Variants in SLC25A11 observed in about 807,000 individuals in gnomAD.
The protein encoded by SLC25A11 is solute carrier family 25 member 11, also known as mitochondrial 2-oxoglutarate/malate carrier protein.
In SLC25A11, 11 loss-of-function variants were observed where a neutral mutation model predicts 32.7. That is an observed-to-expected ratio of 0.34 (90% CI 0.21 to 0.56). SLC25A11 has a LOEUF of 0.56. Ranked by LOEUF, SLC25A11 falls within the 20% of genes least tolerant of loss-of-function variation. The pLI is 0.90. For synonymous variants in SLC25A11, 163 were observed against 168.3 expected (o/e 0.97, Z 0.24); for missense variants, 295 against 426.3 (o/e 0.69, Z 2.71).
In SLC25A11 at chr17:4,938,306, G is replaced by C. The variant is rs1158589256; in HGVS notation, c.637+33C>G. ...TCAGCTCAGAGGTGGCTCAGGCCAG[G>C]CTGGGAACTAAGGGCCCAGCTCTGG... On this transcript the variant is annotated intron_variant, in intron 5 of 7. Coordinates refer to ENST00000225665, the MANE Select transcript of SLC25A11 (RefSeq NM_003562.5). The surrounding 1 kb of genome is among the most constrained non-coding windows in gnomAD (Gnocchi z 7.6). The C allele has an allele frequency of 6.2e-7, 1 of 1,613,492 alleles. No homozygotes were observed. The highest frequency in any genetic ancestry group is 1.3e-5 in the African/African-American group (1 of 75,054).
Position 4,938,654 on chromosome 17 carries a change from G to C in SLC25A11, c.456-52C>G. The C allele has an allele frequency of 6.3e-7, 1 of 1,598,516 alleles. No individual in the cohort carries two copies. The highest frequency in any genetic ancestry group is 1.3e-5 in the African/African-American group (1 of 74,766). On this transcript the variant is annotated intron_variant, in intron 3 of 7. Transcript: ENST00000225665. The surrounding 1 kb of genome is among the most constrained non-coding windows in gnomAD (Gnocchi z 7.6). The stretch of plus-strand genomic sequence containing the variant: ...GATCAGGATTGCCCACAGGTGCAAA[G>C]AAAGGAAGGCCAGAACAGGTAAACA...
Position 4,937,699 on chromosome 17 carries a change from G to A in SLC25A11, c.*42C>T. 1 of 1,558,812 alleles carries A rather than the reference G, an allele frequency of 6.4e-7. No individual in the cohort carries two copies. Among genetic ancestry groups the A allele is most frequent in the Non-Finnish European group, 8.7e-7 (1 of 1,154,484 alleles). ...GCAGAGCCCAGGCCCCCAGGGCGCA[G>A]TGGCTATAGGCGCAGCAGGCGAGTG... On this transcript the variant is annotated 3_prime_UTR_variant, in exon 8 of 8. Transcript: ENST00000225665.
In SLC25A11 at chr17:4,937,610, A is replaced by C; in HGVS notation, c.*131T>G. On this transcript the variant is annotated 3_prime_UTR_variant, in exon 8 of 8. Transcript: ENST00000225665. ...CTGGAGCAGGGGGTAGAACAGACCA[A>C]GTCCTTTACCGCAGAGGAAGAAACC... 1.8e-6 allele frequency: 2 copies of C among 1,103,974 alleles called. No individual in the cohort carries two copies. The highest frequency in any genetic ancestry group is 2.5e-5 in the Admixed American group (1 of 40,044). The allele number at this position is 1,103,974 out of a possible 1,614,324, so 68.4% of individuals were successfully genotyped here.
At position 4,939,262 on chromosome 17, in the gene SLC25A11, A is replaced by G; in HGVS notation, c.96-50T>C. The G allele has an allele frequency of 1.9e-6, 3 of 1,568,080 alleles. No homozygotes were observed. Among genetic ancestry groups the G allele is most frequent in the South Asian group, 2.3e-5 (2 of 86,480 alleles). On this transcript the variant is annotated intron_variant, in intron 1 of 7. Transcript: ENST00000225665. The surrounding 1 kb of genome is among the most constrained non-coding windows in gnomAD (Gnocchi z 4.1). ...AAGGGCCAGGCATTCCAGATCTACC[A>G]GTGCCCACTGGAGCCTGGCAGCAAG...
At position 4,937,244 on chromosome 17, in the gene SLC25A11, TTC is replaced by T. The variant is rs1970446678; in HGVS notation, c.*495_*496del. ...TTTTTCTTAAAAACTCCAGTTCCTA[TTC>T]TCCAGCTTCTTTGTCCAGTCTCCTC... On this transcript the variant is annotated 3_prime_UTR_variant, in exon 8 of 8. Coordinates refer to ENST00000225665, the MANE Select transcript of SLC25A11 (RefSeq NM_003562.5). 6.5e-6 allele frequency: 1 copy of T among 152,842 alleles called. No individual in the cohort carries two copies. The highest frequency in any genetic ancestry group is 2.1e-4 in the South Asian group (1 of 4,844). The allele number at this position is 152,842 out of a possible 1,614,324, so 9.5% of individuals were successfully genotyped here. A position where few individuals can be genotyped will look rare whatever the true frequency, so the allele number is the denominator to read the frequency against.
rs762184471 is a variant in SLC25A11 at position 4,939,152 on chromosome 17, G to A, written c.156C>T (p.Ser52=). 5 of 1,613,736 alleles carry A rather than the reference G, an allele frequency of 3.1e-6. No homozygotes were observed. The highest frequency in any genetic ancestry group is 1.1e-5 in the South Asian group (1 of 91,080). The change falls in exon 2 of 8, where the codon AGC becomes AGT. Residue 52 remains serine (S), a synonymous_variant. Coordinates refer to ENST00000225665, the MANE Select transcript of SLC25A11 (RefSeq NM_003562.5). The surrounding 1 kb of genome is among the most constrained non-coding windows in gnomAD (Gnocchi z 4.1). ...ACTCTCGAGTCTTGGCCCCTTCCCC[G>A]CTCAACTGCATCCGGTTCTTCACCA... ...LDLVKNRMQL[S]GEGAKTREYK...
Position 4,939,184 on chromosome 17 carries a change from G to A in SLC25A11, c.124C>T (p.Leu42=). The stretch of plus-strand genomic sequence containing the variant: ...TGCATCCGGTTCTTCACCAGGTCCA[G>A]GGGCTGGACAAAAACTGTAGCTCCC... ...GMGATVFVQP[L]DLVKNRMQLS... is the part of the protein sequence containing the mutation. Residue 42 remains leucine (L), a synonymous_variant, in exon 2 of 8, where the codon CTG becomes TTG. Coordinates refer to ENST00000225665, the MANE Select transcript of SLC25A11 (RefSeq NM_003562.5). This position sits in a 1 kb window ranked among gnomAD's most constrained non-coding sequence, Gnocchi z 4.1. 5 of 1,610,018 alleles carry A rather than the reference G, an allele frequency of 3.1e-6. No homozygotes were observed. The highest frequency in any genetic ancestry group is 4.2e-6 in the Non-Finnish European group (5 of 1,176,540).
Position 4,939,862 on chromosome 17 carries a change from G to C in SLC25A11, c.49C>G (p.Arg17Gly). Residue 17 changes from arginine (R) to glycine (G), a missense_variant, in exon 1 of 8, where the codon CGT becomes GGT. By Grantham distance (125) the Arg-to-Gly change is moderately radical. Transcript: ENST00000225665. The surrounding 1 kb of genome is among the most constrained non-coding windows in gnomAD (Gnocchi z 4.1). The stretch of plus-strand genomic sequence containing the variant: ...AACTTGACGGACTTAGGGGAGGTAC[G>C]GGGCTTCCCGTCTATCCCGCCGGCC... ...AGAGGIDGKP[R>G]TSPKSVKFLF... is the part of the protein sequence containing the mutation. 1.2e-6 allele frequency: 2 copies of C among 1,612,452 alleles called. No individual in the cohort carries two copies. The highest frequency in any genetic ancestry group is 1.7e-6 in the Non-Finnish European group (2 of 1,179,688).
At position 4,938,318 on chromosome 17, in the gene SLC25A11, G is replaced by C. The variant is rs1404387610; in HGVS notation, c.637+21C>G. 1 of 1,613,794 alleles carries C rather than the reference G, an allele frequency of 6.2e-7. No individual in the cohort carries two copies. The highest frequency in any genetic ancestry group is 1.3e-5 in the African/African-American group (1 of 74,932). On this transcript the variant is annotated intron_variant, in intron 5 of 7. Transcript: ENST00000225665. The surrounding 1 kb of genome is among the most constrained non-coding windows in gnomAD (Gnocchi z 7.6). ...TGGCTCAGGCCAGGCTGGGAACTAA[G>C]GGCCCAGCTCTGGATCTCACCTGAG...
chr17:4,939,734 A>AAC lies in SLC25A11; in HGVS notation c.95+80_95+81dup. 8.9e-7 allele frequency: 1 copy of AAC among 1,120,430 alleles called. No homozygotes were observed. The highest frequency in any genetic ancestry group is 1.3e-5 in the South Asian group (1 of 76,660). The allele number at this position is 1,120,430 out of a possible 1,614,324, so 69.4% of individuals were successfully genotyped here. On this transcript the variant is annotated intron_variant, in intron 1 of 7. Coordinates refer to ENST00000225665, the MANE Select transcript of SLC25A11 (RefSeq NM_003562.5). This position sits in a 1 kb window ranked among gnomAD's most constrained non-coding sequence, Gnocchi z 4.1. ...ACCCCGTGCCGGCACAGTTCACTGC[A>AAC]ACAGACCCAGAGATGAACCGGGCCC...
chr17:4,938,485 C>T lies in SLC25A11; in HGVS notation c.546+27G>A. 2 of 1,613,716 alleles carry T rather than the reference C, an allele frequency of 1.2e-6. No individual in the cohort carries two copies. Among genetic ancestry groups the T allele is most frequent in the Non-Finnish European group, 8.5e-7 (1 of 1,179,670 alleles). On this transcript the variant is annotated intron_variant, in intron 4 of 7. Coordinates refer to ENST00000225665, the MANE Select transcript of SLC25A11 (RefSeq NM_003562.5). The surrounding 1 kb of genome is among the most constrained non-coding windows in gnomAD (Gnocchi z 7.6). ...AACCCCTAAAACCAGACCTCACAGC[C>T]CCCAAGTCTCCAGCCCCTCCACTCA...
In SLC25A11 at chr17:4,938,810, T is replaced by G. The variant is rs1597647345; in HGVS notation, c.414A>C (p.Thr138=). The change falls in exon 3 of 8, where the codon ACA becomes ACC. Residue 138 remains threonine, a synonymous_variant. Coordinates refer to ENST00000225665, the MANE Select transcript of SLC25A11 (RefSeq NM_003562.5). This position sits in a 1 kb window ranked among gnomAD's most constrained non-coding sequence, Gnocchi z 7.6. ...TGCGGATAAGAGCCACTTCGGCTGG[T>G]GTTCCCACAAAGGCACCAGTGGCAC... is the stretch of plus-strand genomic sequence containing the variant. ...TAGATGAFVG[T]PAEVALIRMT... The G allele has an allele frequency of 6.2e-7, 1 of 1,613,534 alleles. No homozygotes were observed.
Position 4,938,699 on chromosome 17 carries a change from T to TA in SLC25A11, c.455+69dup, listed in dbSNP as rs922784900. 1 of 1,589,100 alleles carries TA rather than the reference T, an allele frequency of 6.3e-7. No individual in the cohort carries two copies. The highest frequency in any genetic ancestry group is 1.3e-5 in the African/African-American group (1 of 74,220). ...TAAACACTCTGCTCCAGATCCGGGA[T>TA]AAAAAACTGGTCCTTTCATTCTAGA... On this transcript the variant is annotated intron_variant, in intron 3 of 7. Coordinates refer to ENST00000225665, the MANE Select transcript of SLC25A11 (RefSeq NM_003562.5). The surrounding 1 kb of genome is among the most constrained non-coding windows in gnomAD (Gnocchi z 7.6).
At position 4,938,461 on chromosome 17, in the gene SLC25A11, AC is replaced by A. The variant is rs1481786896; in HGVS notation, c.547-33del. ...GGAGGGGAGCGGGGAAGAGTCAGAA[AC>A]CCCTAAAACCAGACCTCACAGCCCC... On this transcript the variant is annotated intron_variant, in intron 4 of 7. Coordinates refer to ENST00000225665, the MANE Select transcript of SLC25A11 (RefSeq NM_003562.5). The surrounding 1 kb of genome is among the most constrained non-coding windows in gnomAD (Gnocchi z 7.6). The A allele has an allele frequency of 1.2e-6, 2 of 1,613,034 alleles. No homozygotes were observed. The highest frequency in any genetic ancestry group is 2.7e-5 in the African/African-American group (2 of 74,728).
In SLC25A11 at chr17:4,938,872, CA is replaced by C. The variant is rs1567651888; in HGVS notation, c.351del (p.Gly118AlafsTer4). On this transcript the variant is annotated frameshift_variant, in exon 3 of 8. Coordinates refer to ENST00000225665, the MANE Select transcript of SLC25A11 (RefSeq NM_003562.5). LOFTEE classifies it high-confidence loss of function. The surrounding 1 kb of genome is among the most constrained non-coding windows in gnomAD (Gnocchi z 7.6). ...ERLTGADGTP[P>X]GFLLKAVIGM... is the part of the protein sequence containing the mutation. Reference sequence around the variant, plus strand: ...CCAATCACAGCCTTCAGCAGAAAGCCAGGGGGAGTACCATCAGCCCCAGTCA... The same window carrying C: ...CCAATCACAGCCTTCAGCAGAAAGCCGGGGGAGTACCATCAGCCCCAGTCA... 6.2e-7 allele frequency: 1 copy of C among 1,614,180 alleles called. No individual in the cohort carries two copies. Among genetic ancestry groups the C allele is most frequent in the Non-Finnish European group, 8.5e-7 (1 of 1,180,032 alleles).
Position 4,937,227 on chromosome 17 carries a change from A to G in SLC25A11, c.*514T>C, listed in dbSNP as rs1970446411. ...TGCTTTTTCTTTAACAATTTTTCTT[A>G]AAAACTCCAGTTCCTATTCTCCAGC... On this transcript the variant is annotated 3_prime_UTR_variant, in exon 8 of 8. Transcript: ENST00000225665. The G allele has an allele frequency of 6.6e-6, 1 of 152,324 alleles. No homozygotes were observed. Among genetic ancestry groups the G allele is most frequent in the African/African-American group, 2.4e-5 (1 of 41,380 alleles). The allele number at this position is 152,324 out of a possible 1,614,324, so 9.4% of individuals were successfully genotyped here. A position where few individuals can be genotyped will look rare whatever the true frequency, so the allele number is the denominator to read the frequency against.
chr17:4,937,468 C>T lies in SLC25A11; in HGVS notation c.*273G>A, dbSNP rs985909749. 1 of 343,146 alleles carries T rather than the reference C, an allele frequency of 2.9e-6. No homozygotes were observed. The highest frequency in any genetic ancestry group is 2.1e-5 in the African/African-American group (1 of 47,038). 21.3% of individuals were successfully genotyped at this position (343,146 alleles called of 1,614,324 possible). A position where few individuals can be genotyped will look rare whatever the true frequency, so the allele number is the denominator to read the frequency against. On this transcript the variant is annotated 3_prime_UTR_variant, in exon 8 of 8. Coordinates refer to ENST00000225665, the MANE Select transcript of SLC25A11 (RefSeq NM_003562.5). The stretch of plus-strand genomic sequence containing the variant: ...ACTGACAAAGGGGATCTTCTGCTGT[C>T]CTGTGTGCCCTGAAACTAAAACCCA...
intron 7 of SLC25A11, 40 bp from the exon 8 acceptor site, chr17:4,937,936 G>A (rs781326325): frequency 4.3e-5 from 70 of 1,612,630 alleles, no homozygotes; most frequent in Non-Finnish European, 5.6e-5. Context: ...TAGGACTCTA[G>A]GTCCCCATCC....
chr17:4,937,609 A>G lies in SLC25A11; in HGVS notation c.*132T>C, dbSNP rs1233671938. The G allele has an allele frequency of 2.7e-6, 3 of 1,095,846 alleles. No homozygotes were observed. The African/African-American group carries it at 4.7e-5, about 17-fold the overall frequency. 67.9% of individuals were successfully genotyped at this position (1,095,846 alleles called of 1,614,324 possible). The stretch of plus-strand genomic sequence containing the variant: ...GCTGGAGCAGGGGGTAGAACAGACC[A>G]AGTCCTTTACCGCAGAGGAAGAAAC... On this transcript the variant is annotated 3_prime_UTR_variant, in exon 8 of 8. Coordinates refer to ENST00000225665, the MANE Select transcript of SLC25A11 (RefSeq NM_003562.5).
Sources: allele counts gnomAD v4.1 joint callset, GRCh38; gene constraint gnomAD v4.1.1; non-coding constraint Gnocchi (gnomAD v3.1); transcripts MANE v1.5; gene names NCBI Gene and HGNC (gene_info 2026-07-23, HGNC 2026-07-21).